The following IGF1 variants were observed in gnomAD, a reference collection of about 807,000 sequenced individuals.
The protein encoded by IGF1 is insulin like growth factor 1.
Under a neutral mutation model 13.8 loss-of-function variants are expected in IGF1, and 4 were observed. The ratio of observed to expected loss-of-function variants is 0.29; its 90% confidence interval spans 0.14 to 0.66. The LOEUF is 0.66. Ranked by LOEUF, IGF1 falls within the 30% of genes least tolerant of loss-of-function variation. The probability of loss-of-function intolerance (pLI) is 0.78; values close to 1 mark genes in which losing one functional copy is unlikely to be tolerated. For missense variants in IGF1, 124 were observed against 188.5 expected, an observed-to-expected ratio of 0.66 and a Z score of 2.00; for synonymous variants, 76 against 72.6, an observed-to-expected ratio of 1.05 and a Z score of -0.23.
intron 2 of IGF1, among the ~76,000 whole-genome samples, chr12:102,438,398 C>T (rs1320126211): frequency 6.6e-6 from 1 of 152,176 alleles, no homozygotes; most frequent in Admixed American, 6.5e-5. Context: ...TCAAGAAGTT[C>T]CGTGCAAAAA....
At chr12:102,463,778 G>A (rs899229197) in intron 2 of IGF1, among the ~76,000 whole-genome samples, 4 of 152,274 alleles carry the variant, frequency 2.6e-5, no homozygotes, top group African/African-American at 9.6e-5. Context: ...AAGTTTAAAG[G>A]GTCCAGCTGT....
intron 3 of IGF1, among the ~76,000 whole-genome samples, chr12:102,410,698 G>A (rs530239774): frequency 6.6e-6 from 1 of 152,312 alleles, no homozygotes; most frequent in Admixed American, 6.5e-5. Context: ...ATAGTGATGA[G>A]TTCACAGGGT....
intron 2 of IGF1, among the ~76,000 whole-genome samples, chr12:102,420,666 A>G (rs1260456467): frequency 1.3e-5 from 2 of 152,098 alleles, no homozygotes; most frequent in Non-Finnish European, 2.9e-5. Context: ...TCTATTTCTT[A>G]TTGAGTAACT....
At chr12:102,414,671 G>T (rs886343741) in intron 3 of IGF1, among the ~76,000 whole-genome samples, 9 of 151,996 alleles carry the variant, frequency 5.9e-5, no homozygotes, top group Admixed American at 2.6e-4. Context: ...CAATCTGCCC[G>T]CCTTGGCCTC....
intron 1 of IGF1, among the ~76,000 whole-genome samples, chr12:102,479,396 G>T (rs775958021): frequency 1.3e-5 from 2 of 152,074 alleles, no homozygotes; most frequent in East Asian, 1.9e-4. Flanking sequence ...GCTTAAAAGC[G>T]CTTGCAAATT....
chr12:102,425,132 G>T (rs1876086602), intron 2 of IGF1, among the ~76,000 whole-genome samples: 4 of 152,138 alleles, frequency 2.6e-5, no homozygotes, highest in Middle Eastern at 3.2e-3. Flanking sequence ...TTTTAAAAAA[G>T]ATTTTCTAAT....
Position 102,403,193 on chromosome 12 carries a change from C to T in IGF1, c.403-627G>A, listed in dbSNP as rs115064064. On this transcript the variant is annotated intron_variant, in intron 3 of 3. Transcript: ENST00000337514. Reference sequence around the variant, plus strand: ...GCAATCTCTTGTGTTTCCGTTTCTTCATCTATAAACTAGGGTAACAATAAT... The same window carrying T: ...GCAATCTCTTGTGTTTCCGTTTCTTTATCTATAAACTAGGGTAACAATAAT... Among the ~76,000 whole-genome samples, 210 of 152,224 alleles carry T rather than the reference C, an allele frequency of 1.4e-3. 1 individual carries two copies. The highest frequency in any genetic ancestry group is 4.8e-3 in the African/African-American group (201 of 41,550).
intron 2 of IGF1, among the ~76,000 whole-genome samples, chr12:102,455,466 T>C (rs1879309017): frequency 6.6e-6 from 1 of 152,188 alleles, no homozygotes; most frequent in Admixed American, 6.5e-5. Context: ...TTTCCAGAAA[T>C]CTCAGGTCAG....
At chr12:102,450,757 C>G (rs1440015117) in intron 2 of IGF1, among the ~76,000 whole-genome samples, 3 of 152,208 alleles carry the variant, frequency 2.0e-5, no homozygotes, top group Non-Finnish European at 4.4e-5. Flanking sequence ...ACTTCCATCT[C>G]TGTCTCTAGT....
upstream of IGF1, among the ~76,000 whole-genome samples, chr12:102,481,379 G>A (rs1440377882): frequency 6.6e-6 from 1 of 151,784 alleles, no homozygotes; most frequent in Non-Finnish European, 1.5e-5. Flanking sequence ...GTGTGTGTGT[G>A]TGTGTGTGTA....
chr12:102,442,725 C>T lies in IGF1; in HGVS notation c.221-23035G>A, dbSNP rs567337272. On this transcript the variant is annotated intron_variant, in intron 2 of 3. Transcript: ENST00000337514. ...CAGCCGCTCATTTGCTCTAACACAT[C>T]TGGCTAATGGATAGAGTATAAAATT... 7.9e-5 allele frequency among the ~76,000 whole-genome samples: 12 copies of T among 152,256 alleles called. 1 individual carries two copies. Among genetic ancestry groups the T allele is most frequent in the Admixed American group, 3.3e-4 (5 of 15,300 alleles).
At chr12:102,455,252 G>A (rs1244817908) in intron 2 of IGF1, among the ~76,000 whole-genome samples, 1 of 152,218 alleles carries the variant, frequency 6.6e-6, no homozygotes, top group East Asian at 1.9e-4. Context: ...AGCAAGTGCA[G>A]TTAACAAAGT....
At chr12:102,417,535 A>T (rs1449846254) in intron 3 of IGF1, 1 of 1,127,026 alleles carries the variant, frequency 8.9e-7, no homozygotes, top group Non-Finnish European at 1.1e-6. Context: ...AGAGGCAGAG[A>T]ATAGTGTGTC....
intron 2 of IGF1, among the ~76,000 whole-genome samples, chr12:102,459,416 G>C (rs1286654005): frequency 1.3e-5 from 2 of 152,112 alleles, no homozygotes; most frequent in African/African-American, 4.8e-5. Context: ...GGAGGAGGCT[G>C]TTGCAATAGT....
At position 102,441,788 on chromosome 12, in the gene IGF1, T is replaced by C. The variant is rs56060310; in HGVS notation, c.221-22098A>G. On this transcript the variant is annotated intron_variant, in intron 2 of 3. Transcript: ENST00000337514. ...CACTGTTATCATCTTCACTTTACAGTTGAAAATATTGAGCCATAGAAAAGT... is the reference window on the plus strand; with the variant it reads ...CACTGTTATCATCTTCACTTTACAGCTGAAAATATTGAGCCATAGAAAAGT... Among the ~76,000 whole-genome samples, 344 of 152,212 alleles carry C rather than the reference T, an allele frequency of 2.3e-3. 1 individual carries two copies. Among genetic ancestry groups the C allele is most frequent in the African/African-American group, 7.9e-3 (326 of 41,524 alleles).
intron 3 of IGF1, among the ~76,000 whole-genome samples, chr12:102,403,652 G>A (rs1355333272): frequency 3.3e-5 from 1 of 29,944 alleles, no homozygotes; most frequent in Non-Finnish European, 7.3e-5. Flanking sequence ...TTTTTTTTTT[G>A]TAGAGACGGG....
intron 2 of IGF1, among the ~76,000 whole-genome samples, chr12:102,449,228 A>T (rs1312748156): frequency 6.6e-6 from 1 of 152,174 alleles, no homozygotes; most frequent in East Asian, 1.9e-4. Context: ...ATGAAAAGGG[A>T]TGAATTCGTG....
chr12:102,477,931 C>T (rs1038095388), intron 1 of IGF1, among the ~76,000 whole-genome samples: 1 of 151,634 alleles, frequency 6.6e-6, no homozygotes, highest in Non-Finnish European at 1.5e-5. Flanking sequence ...CATTTAAGTG[C>T]AGCGATACAT....
In IGF1 at chr12:102,396,819, AT is replaced by A; in HGVS notation, c.*5687del. On this transcript the variant is annotated 3_prime_UTR_variant, in exon 4 of 4. Coordinates refer to ENST00000337514, the MANE Select transcript of IGF1 (RefSeq NM_000618.5). Reference sequence around the variant, plus strand: ...TTTTTTTTACTTTAAAAAAGCTTGGATTTTTTTCCCCTTGAAAGACCCCATC... The same window carrying A: ...TTTTTTTTACTTTAAAAAAGCTTGGATTTTTTCCCCTTGAAAGACCCCATC... The A allele has an allele frequency of 2.5e-6, 1 of 393,496 alleles. No homozygotes were observed. The highest frequency in any genetic ancestry group is 4.5e-6 in the Non-Finnish European group (1 of 224,450). 24.4% of individuals were successfully genotyped at this position (393,496 alleles called of 1,614,324 possible).
Sources: allele counts gnomAD v4.1 joint callset (sites outside exome capture counted in the v4.1 genomes callset), GRCh38; gene constraint gnomAD v4.1.1; transcripts MANE v1.5; gene names NCBI Gene and HGNC (gene_info 2026-07-23, HGNC 2026-07-21).